The following ADGRF4 variants were observed in gnomAD, a reference collection of about 807,000 sequenced individuals.
The protein encoded by ADGRF4 is adhesion G protein-coupled receptor F4.
ADGRF4 carries 63 observed loss-of-function variants against 58.5 expected under a neutral mutation model. The ratio of observed to expected loss-of-function variants is 1.08; its 90% confidence interval spans 0.88 to 1.33. The LOEUF (loss-of-function observed/expected upper bound fraction) is 1.33. ADGRF4 is among the 40% of genes most tolerant of loss of function. The pLI is 0.00. For missense variants in ADGRF4, 931 were observed against 843.9 expected (o/e 1.10, Z -1.28); for synonymous variants, 313 against 295.4 (o/e 1.06, Z -0.61).
chr6:47,710,133 G>T, intron 3 of ADGRF4, among the ~76,000 whole-genome samples: 1 of 152,262 alleles, frequency 6.6e-6, no homozygotes, highest in Middle Eastern at 3.4e-3. Context: ...TGAAATTGTT[G>T]TAAGCAGAAG....
chr6:47,700,464 G>A (rs1407486947), intron 1 of ADGRF4, among the ~76,000 whole-genome samples: 1 of 152,156 alleles, frequency 6.6e-6, no homozygotes, highest in African/African-American at 2.4e-5. Context: ...AAGCAAGATG[G>A]GACAAATAGG....
In ADGRF4 at chr6:47,721,279, G is replaced by A. The variant is rs915416546; in HGVS notation, c.*74G>A. The A allele has an allele frequency of 6.6e-6, 1 of 152,232 alleles. No homozygotes were observed. Among genetic ancestry groups the A allele is most frequent in the African/African-American group, 2.4e-5 (1 of 41,460 alleles). 9.4% of individuals were successfully genotyped at this position (152,232 alleles called of 1,614,324 possible). Reference sequence around the variant, plus strand: ...CAGGAGAAAGAGGCCATGGAAAGCAGGCTGGAGTGAGGAGGAATGGTCATG... The same window carrying A: ...CAGGAGAAAGAGGCCATGGAAAGCAAGCTGGAGTGAGGAGGAATGGTCATG... On this transcript the variant is annotated 3_prime_UTR_variant, in exon 10 of 10. Coordinates refer to ENST00000283303, the MANE Select transcript of ADGRF4 (RefSeq NM_153838.5).
rs1269544770 is a variant in ADGRF4, at chr6:47,712,563, T to C, written c.507T>C (p.Asn169=). The change falls in exon 5 of 10, where the codon AAT becomes AAC. Residue 169 remains asparagine, a synonymous_variant. Coordinates refer to ENST00000283303, the MANE Select transcript of ADGRF4 (RefSeq NM_153838.5). ...NIAFIVELLK[N]ISTDLSDNVT... ...CATTTATAGTGGAGTTATTAAAAAA[T>C]ATTTCTACAGACTTGTCTGATAATG... 6.3e-7 allele frequency: 1 copy of C among 1,595,814 alleles called. No individual in the cohort carries two copies.
chr6:47,719,122 C>T (rs1222743831), intron 9 of ADGRF4, among the ~76,000 whole-genome samples: 1 of 152,168 alleles, frequency 6.6e-6, no homozygotes, highest in East Asian at 1.9e-4. Flanking sequence ...CAGCCACATC[C>T]TTTTTATATT....
In ADGRF4 at chr6:47,713,973, A is replaced by G; in HGVS notation, c.728A>G (p.Lys243Arg). Reference protein sequence around the residue: ...NIVNELFIQTKGFHINHNTSE... With the variant: ...NIVNELFIQTRGFHINHNTSE... ...GTGAATGAACTCTTCATTCAGACAA[A>G]AGGGTTTCACATCAACCATAATACC... Residue 243 changes from lysine to arginine, a missense_variant, in exon 6 of 10, where the codon AAA becomes AGA. Coordinates refer to ENST00000283303, the MANE Select transcript of ADGRF4 (RefSeq NM_153838.5). 1 of 1,605,414 alleles carries G rather than the reference A, an allele frequency of 6.2e-7. No individual in the cohort carries two copies. Among genetic ancestry groups the G allele is most frequent in the East Asian group, 2.2e-5 (1 of 44,764 alleles).
chr6:47,705,175 C>A (rs1411611519), intron 1 of ADGRF4, among the ~76,000 whole-genome samples: 2 of 152,168 alleles, frequency 1.3e-5, no homozygotes, highest in Non-Finnish European at 2.9e-5. Flanking sequence ...GATCTGCCCA[C>A]CTCGGCCTCC....
At position 47,705,178 on chromosome 6, in the gene ADGRF4, C is replaced by T. The variant is rs143650481; in HGVS notation, c.-16-2052C>T. 7.1e-3 allele frequency among the ~76,000 whole-genome samples: 1,075 copies of T among 152,318 alleles called. 11 individuals carry two copies. Among genetic ancestry groups the T allele is most frequent in the African/African-American group, 0.024 (992 of 41,566 alleles). ...TCCTGACCTCGTGATCTGCCCACCT[C>T]GGCCTCCCAAAGTGCTGGGATTACA... is the stretch of plus-strand genomic sequence containing the variant. On this transcript the variant is annotated intron_variant, in intron 1 of 9. Transcript: ENST00000283303.
rs567476794 is a variant in ADGRF4 at position 47,707,359 on chromosome 6, T to C, written c.93+21T>C. 7.5e-4 allele frequency: 1,068 copies of C among 1,425,212 alleles called. 16 individuals are homozygous for C. The South Asian group carries it at 0.011, about 15-fold the overall frequency. 88.3% of individuals were successfully genotyped at this position (1,425,212 alleles called of 1,614,324 possible). On this transcript the variant is annotated intron_variant, in intron 2 of 9. Coordinates refer to ENST00000283303, the MANE Select transcript of ADGRF4 (RefSeq NM_153838.5). ...TAAAAGTAAGTTTGATCTATTCCTA[T>C]GTGATCCGAGGAGAAATCTCTCAGT...
In ADGRF4 at chr6:47,713,561, G is replaced by A. The variant is rs537364557; in HGVS notation, c.553-237G>A. Among the ~76,000 whole-genome samples, 2 of 152,280 alleles carry A rather than the reference G, an allele frequency of 1.3e-5. 1 individual carries two copies. Among genetic ancestry groups the A allele is most frequent in the African/African-American group, 4.8e-5 (2 of 41,552 alleles). ...CTACACACTGCAGTCTGGAAATGCT[G>A]CCCTGCGTGCAATAATAAAGCAGGT... is the stretch of plus-strand genomic sequence containing the variant. On this transcript the variant is annotated intron_variant, in intron 5 of 9. Coordinates refer to ENST00000283303, the MANE Select transcript of ADGRF4 (RefSeq NM_153838.5).
intron 7 of ADGRF4, 65 bp downstream of exon 7, chr6:47,716,912 A>C: frequency 8.5e-7 from 1 of 1,178,820 alleles, no homozygotes; most frequent in Non-Finnish European, 1.3e-6. Context: ...AGGAGGATGA[A>C]GCAGTTTTGA....
At chr6:47,707,713 T>C (rs1196629448) in intron 2 of ADGRF4, among the ~76,000 whole-genome samples, 1 of 152,232 alleles carries the variant, frequency 6.6e-6, no homozygotes, top group Admixed American at 6.5e-5. Flanking sequence ...ATCTATAAGA[T>C]GAAGTTTTTA....
intron 1 of ADGRF4, among the ~76,000 whole-genome samples, chr6:47,704,088 C>T (rs1310148507): frequency 2.0e-5 from 3 of 150,288 alleles, no homozygotes; most frequent in Non-Finnish European, 4.4e-5. Context: ...TTGCTCTTGT[C>T]ACCCAGGCTA....
chr6:47,710,972 C>A, intron 4 of ADGRF4, 86 bp downstream of exon 4: 2 of 1,282,846 alleles, frequency 1.6e-6, no homozygotes, highest in Non-Finnish European at 2.1e-6. Flanking sequence ...TTCAGCATGA[C>A]AAAAAGTCTC....
intron 3 of ADGRF4, among the ~76,000 whole-genome samples, 179 bp from the exon 4 acceptor site, chr6:47,710,556 G>A (rs1343037108): frequency 2.0e-5 from 3 of 152,060 alleles, no homozygotes; most frequent in Non-Finnish European, 4.4e-5. Context: ...ACTCTGCCTG[G>A]ATACCAGCTG....
chr6:47,711,717 C>T (rs1328224337), intron 4 of ADGRF4, among the ~76,000 whole-genome samples: 1 of 152,090 alleles, frequency 6.6e-6, no homozygotes, highest in Admixed American at 6.5e-5. Context: ...CTTCTACCTC[C>T]CCTGCAATCC....
intron 1 of ADGRF4, among the ~76,000 whole-genome samples, chr6:47,706,391 G>A (rs1455795884): frequency 6.6e-6 from 1 of 152,200 alleles, no homozygotes; most frequent in Non-Finnish European, 1.5e-5. Flanking sequence ...CCATCTCTAA[G>A]AGGGAGTCTC....
chr6:47,712,723 C>G, intron 5 of ADGRF4, 115 bp downstream of exon 5: 1 of 720,358 alleles, frequency 1.4e-6, no homozygotes, highest in Non-Finnish European at 2.3e-6. Context: ...AAAGCAACAG[C>G]AGGCATTTCA....
chr6:47,706,408 T>C (rs1009761554), intron 1 of ADGRF4, among the ~76,000 whole-genome samples: 3 of 152,236 alleles, frequency 2.0e-5, no homozygotes, highest in Non-Finnish European at 4.4e-5. Flanking sequence ...TCTCAGAGCT[T>C]GCTCCGGTAG....
intron 6 of ADGRF4, among the ~76,000 whole-genome samples, 167 bp from the exon 7 acceptor site, chr6:47,716,639 G>C (rs1375733747): frequency 6.6e-6 from 1 of 152,194 alleles, no homozygotes; most frequent in Admixed American, 6.5e-5. Flanking sequence ...GGTGGGGGCA[G>C]ACTCAAAGGA....
Sources: allele counts gnomAD v4.1 joint callset (sites outside exome capture counted in the v4.1 genomes callset), GRCh38; gene constraint gnomAD v4.1.1; transcripts MANE v1.5; gene names NCBI Gene and HGNC (gene_info 2026-07-23, HGNC 2026-07-21).